Variants in ABCC9 observed in about 807,000 individuals in gnomAD.
ABCC9 encodes the protein ATP-binding cassette sub-family C member 9.
ABCC9 carries 95 observed loss-of-function variants against 188.3 expected under a neutral mutation model. That is an observed-to-expected ratio of 0.50 (90% CI 0.43 to 0.60). The LOEUF (loss-of-function observed/expected upper bound fraction) is 0.60. ABCC9 is among the 20% of genes least tolerant of loss of function. The pLI is 0.00. For synonymous variants in ABCC9, 659 were observed against 652.7 expected, an observed-to-expected ratio of 1.01 and a Z score of -0.15; for missense variants, 1,102 against 1,876.3, an observed-to-expected ratio of 0.59 and a Z score of 7.62.
chr12:21,833,647 C>G (rs1178202120), intron 30 of ABCC9, among the ~76,000 whole-genome samples: 2 of 152,116 alleles, frequency 1.3e-5, no homozygotes, highest in Non-Finnish European at 2.9e-5. Flanking sequence ...AAGGAGAAAA[C>G]AGAGGCTGTT....
intron 16 of ABCC9, among the ~76,000 whole-genome samples, chr12:21,882,481 T>A (rs949483930): frequency 6.6e-6 from 1 of 152,190 alleles, no homozygotes; most frequent in Non-Finnish European, 1.5e-5. Context: ...TTGATAAACA[T>A]AGGAATACCA....
At chr12:21,895,163 G>A (rs1947340623) in intron 13 of ABCC9, 112 bp downstream of exon 13, 8 of 906,960 alleles carry the variant, frequency 8.8e-6, no homozygotes, top group Admixed American at 3.9e-5. Flanking sequence ...CTGCCATAGA[G>A]AGAAGTCACA....
rs1298249367 is a variant in ABCC9, at chr12:21,829,884, A to T, written c.3567-824T>A. On this transcript the variant is annotated intron_variant, in intron 30 of 39. Transcript: ENST00000261200. ...TGCAATTGGCAAAAATATACTTTTA[A>T]AATTATCTTTTTGCCTAATATTTCT... Among the ~76,000 whole-genome samples, 5 of 152,202 alleles carry T rather than the reference A, an allele frequency of 3.3e-5. No homozygotes were observed. In the East Asian group the frequency reaches 9.6e-4, roughly 29 times the overall value.
At chr12:21,896,602 T>C (rs1947443106) in intron 12 of ABCC9, among the ~76,000 whole-genome samples, 1 of 152,094 alleles carries the variant, frequency 6.6e-6, no homozygotes, top group Admixed American at 6.6e-5. Context: ...TGTGTTGTTC[T>C]CCTCCCTGTG....
At position 21,910,927 on chromosome 12, in the gene ABCC9, C is replaced by A. The variant is rs145455570; in HGVS notation, c.1063G>T (p.Ala355Ser). The change falls in exon 9 of 40, where the codon GCA becomes TCA. Residue 355 changes from alanine (A) to serine (S), a missense_variant. By Grantham distance (99) the Ala-to-Ser change is moderately conservative (BLOSUM62 1). Around this residue, in one of 12 missense-constraint regions of ABCC9, gnomAD observed 305 missense variants for 573.0 expected, o/e 0.53. Coordinates refer to ENST00000261200, the MANE Select transcript of ABCC9 (RefSeq NM_020297.4). The part of the protein sequence containing the change: ...KEFLENAYVL[A>S]VLLFLALILQ... ...ATAAGAGCCAAGAAGAGAAGAACTG[C>A]TAGAACGTAAGCGTTTTCAAGAAAT... The A allele has an allele frequency of 2.5e-5, 41 of 1,612,444 alleles. No homozygotes were observed. The highest frequency in any genetic ancestry group is 3.3e-5 in the Admixed American group (2 of 59,846).
intron 30 of ABCC9, chr12:21,831,194 G>A (rs1314390248): frequency 6.6e-6 from 1 of 152,144 alleles, no homozygotes; most frequent in African/African-American, 2.4e-5. Context: ...TGGGACTACA[G>A]GTATGTGCCA....
intron 5 of ABCC9, 37 bp from the exon 6 acceptor site, chr12:21,917,140 T>C (rs1391780445): frequency 6.2e-7 from 1 of 1,603,444 alleles, no homozygotes; most frequent in Non-Finnish European, 8.5e-7. Flanking sequence ...AGATGCAATC[T>C]TTTCTTAAAC....
intron 39 of ABCC9, among the ~76,000 whole-genome samples, chr12:21,802,358 C>G (rs115272283): frequency 0.017 from 2,555 of 152,184 alleles, 64 homozygotes; most frequent in African/African-American, 0.058. Context: ...TGGGCTTTTA[C>G]TCTTGCTAAG....
chr12:21,866,519 T>C (rs1945791451), intron 18 of ABCC9, among the ~76,000 whole-genome samples: 1 of 152,220 alleles, frequency 6.6e-6, no homozygotes, highest in Non-Finnish European at 1.5e-5. Context: ...TTCCTCTTGG[T>C]TTCCCCTGCT....
chr12:21,866,990 G>A (rs528950604), intron 18 of ABCC9, among the ~76,000 whole-genome samples: 1 of 152,114 alleles, frequency 6.6e-6, no homozygotes, highest in African/African-American at 2.4e-5. Flanking sequence ...GTTAATTAAT[G>A]CAGTAAGGTC....
intron 28 of ABCC9, among the ~76,000 whole-genome samples, chr12:21,844,108 G>A (rs143411521): frequency 2.5e-3 from 383 of 152,210 alleles, no homozygotes; most frequent in Admixed American, 3.7e-3. Context: ...AGACAGCTTG[G>A]CATCCCATCC....
rs141421922 is a variant in ABCC9, at chr12:21,939,959, G to C, written c.-21+751C>G. 2.3e-3 allele frequency among the ~76,000 whole-genome samples: 356 copies of C among 152,278 alleles called. 1 individual carries two copies. Among genetic ancestry groups the C allele is most frequent in the South Asian group, 7.7e-3 (37 of 4,826 alleles). ...CTAGAACATATACATTTTGGATTTA[G>C]TTGGTGAATATAATACCTGACCTAT... On this transcript the variant is annotated intron_variant, in intron 2 of 39. Transcript: ENST00000261200.
At chr12:21,911,275 A>T (rs1948312941) in intron 8 of ABCC9, among the ~76,000 whole-genome samples, 2 of 151,934 alleles carry the variant, frequency 1.3e-5, no homozygotes, top group African/African-American at 4.8e-5. Flanking sequence ...AAATAAAAAG[A>T]CAAGTTAGTT....
intron 15 of ABCC9, among the ~76,000 whole-genome samples, chr12:21,885,690 A>T (rs1026633698): frequency 6.6e-6 from 1 of 152,180 alleles, no homozygotes; most frequent in Non-Finnish European, 1.5e-5. Context: ...AAGCATTTTG[A>T]GGCGTTGTTC....
chr12:21,932,370 T>C (rs1354757982), intron 4 of ABCC9, among the ~76,000 whole-genome samples: 1 of 152,036 alleles, frequency 6.6e-6, no homozygotes, highest in Non-Finnish European at 1.5e-5. Context: ...AAAGATTCCA[T>C]GACAAAGATG....
chr12:21,869,703 A>G (rs1945968753), intron 18 of ABCC9: 1 of 152,144 alleles, frequency 6.6e-6, no homozygotes, highest in African/African-American at 2.4e-5. Context: ...TATCATTGTC[A>G]CAGCATTTAT....
intron 39 of ABCC9, chr12:21,805,110 T>G: frequency 3.7e-6 from 6 of 1,607,790 alleles, no homozygotes; most frequent in Non-Finnish European, 5.1e-6. Flanking sequence ...CATGCCTTAC[T>G]GAGAGGATAC....
At chr12:21,875,171 T>C (rs1042641462) in intron 17 of ABCC9, among the ~76,000 whole-genome samples, 8 of 152,230 alleles carry the variant, frequency 5.3e-5, no homozygotes, top group Non-Finnish European at 4.4e-5. Flanking sequence ...GGTATACACA[T>C]ATGCTCAAAC....
chr12:21,829,288 G>A (rs1371409309), intron 30 of ABCC9, among the ~76,000 whole-genome samples: 4 of 125,872 alleles, frequency 3.2e-5, no homozygotes, highest in African/African-American at 1.2e-4. Context: ...TGCAAGCTCC[G>A]CCTCCCGGGC....
Sources: allele counts gnomAD v4.1 joint callset (sites outside exome capture counted in the v4.1 genomes callset), GRCh38; gene constraint gnomAD v4.1.1; regional missense constraint gnomAD v4.1.1; transcripts MANE v1.5; gene names NCBI Gene and HGNC (gene_info 2026-07-23, HGNC 2026-07-21).